RPRD1A: variants seen among roughly 807,000 people sequenced by gnomAD.
RPRD1A encodes the protein regulation of nuclear pre-mRNA domain containing 1A.
RPRD1A carries 9 observed loss-of-function variants against 37.8 expected under a neutral mutation model. That is an observed-to-expected ratio of 0.24 (90% CI 0.14 to 0.42). The LOEUF (loss-of-function observed/expected upper bound fraction) is 0.42. RPRD1A is among the 10% of genes least tolerant of loss of function. RPRD1A has a pLI of 1.00. For missense variants in RPRD1A, 255 were observed against 371.0 expected, an observed-to-expected ratio of 0.69 and a Z score of 2.57; for synonymous variants, 138 against 139.7, an observed-to-expected ratio of 0.99 and a Z score of 0.08.
At chr18:36,065,827 T>C (rs1350027470) in intron 1 of RPRD1A, among the ~76,000 whole-genome samples, 2 of 152,240 alleles carry the variant, frequency 1.3e-5, no homozygotes, top group African/African-American at 2.4e-5. Context: ...GTATCATTTA[T>C]TGACCTTTCA....
chr18:36,008,304 G>T (rs1909889747), intron 6 of RPRD1A, among the ~76,000 whole-genome samples: 1 of 151,698 alleles, frequency 6.6e-6, no homozygotes, highest in African/African-American at 2.4e-5. Flanking sequence ...TAGACTGTGT[G>T]CAGTAGCTTA....
chr18:36,032,606 T>C (rs1046631521), intron 2 of RPRD1A, among the ~76,000 whole-genome samples: 1 of 152,138 alleles, frequency 6.6e-6, no homozygotes, highest in Non-Finnish European at 1.5e-5. Context: ...CTAAAGGGCA[T>C]TAAAATTATA....
intron 6 of RPRD1A, among the ~76,000 whole-genome samples, chr18:36,000,491 AAG>A (rs1487248112): frequency 6.6e-6 from 1 of 152,224 alleles, no homozygotes; most frequent in East Asian, 1.9e-4. Context: ...CATGTGGAAA[AAG>A]ATATTTTATC....
intron 6 of RPRD1A, among the ~76,000 whole-genome samples, chr18:36,024,542 C>T (rs1179419695): frequency 6.6e-6 from 1 of 152,108 alleles, no homozygotes; most frequent in Non-Finnish European, 1.5e-5. Flanking sequence ...TTTTAAACCA[C>T]TTCATGTTTT....
intron 4 of RPRD1A, among the ~76,000 whole-genome samples, chr18:36,029,409 T>C (rs962959824): frequency 6.6e-6 from 1 of 152,190 alleles, no homozygotes; most frequent in African/African-American, 2.4e-5. Flanking sequence ...GATACTAATT[T>C]CTGGCAACCC....
At chr18:36,015,263 A>T (rs1910469760) in intron 6 of RPRD1A, among the ~76,000 whole-genome samples, 1 of 149,218 alleles carries the variant, frequency 6.7e-6, no homozygotes, top group African/African-American at 2.5e-5. Context: ...CCCAGGCTAG[A>T]GTGCAGTGGC....
intron 2 of RPRD1A, among the ~76,000 whole-genome samples, chr18:36,032,587 TA>T (rs1327306794): frequency 6.6e-6 from 1 of 152,150 alleles, no homozygotes; most frequent in African/African-American, 2.4e-5. Flanking sequence ...CTAAAGAAAT[TA>T]AACAATACTA....
rs543527216 is a variant in RPRD1A at position 35,996,040 on chromosome 18, G to A, written c.790-2740C>T. ...ACAACCAAATCTAATGTGATATTCT[G>A]GATGGGATCCTGGAACAGAAAAAAG... is the stretch of plus-strand genomic sequence containing the variant. On this transcript the variant is annotated intron_variant, in intron 6 of 6. Coordinates refer to ENST00000399022, the MANE Select transcript of RPRD1A (RefSeq NM_018170.5). 3.3e-5 allele frequency among the ~76,000 whole-genome samples: 5 copies of A among 152,302 alleles called. No individual in the cohort carries two copies. In the East Asian group the frequency reaches 9.6e-4, roughly 29 times the overall value.
chr18:35,994,930 C>T (rs1426603751), intron 6 of RPRD1A, among the ~76,000 whole-genome samples: 2 of 152,150 alleles, frequency 1.3e-5, no homozygotes, highest in East Asian at 3.8e-4. Context: ...CATCATACCA[C>T]ACTACCCCCC....
chr18:36,017,208 G>T (rs1910648878), intron 6 of RPRD1A, among the ~76,000 whole-genome samples: 1 of 152,078 alleles, frequency 6.6e-6, no homozygotes, highest in Non-Finnish European at 1.5e-5. Flanking sequence ...TACTCGGGAG[G>T]CTGATCACCT....
intron 6 of RPRD1A, among the ~76,000 whole-genome samples, chr18:35,996,977 C>CA (rs200694089): frequency 0.11 from 6,165 of 55,276 alleles, 1,007 homozygotes; most frequent in Non-Finnish European, 0.15. Flanking sequence ...GACCCTGTCT[C>CA]AAAAAAAAAA....
intron 1 of RPRD1A, among the ~76,000 whole-genome samples, chr18:36,038,562 C>A (rs907487595): frequency 6.6e-6 from 1 of 152,176 alleles, no homozygotes; most frequent in Non-Finnish European, 1.5e-5. Context: ...TGGGGCAGTG[C>A]GTAGGGGAAA....
intron 1 of RPRD1A, among the ~76,000 whole-genome samples, chr18:36,057,005 A>ATC (rs1913817368): frequency 7.1e-6 from 1 of 140,578 alleles, no homozygotes; most frequent in Non-Finnish European, 1.5e-5. Context: ...ATCTGAGCCC[A>ATC]GGAGTTCGAG....
intron 1 of RPRD1A, among the ~76,000 whole-genome samples, chr18:36,043,616 G>T (rs572916050): frequency 1.3e-5 from 2 of 152,108 alleles, no homozygotes; most frequent in Non-Finnish European, 2.9e-5. Flanking sequence ...AACAGTTATG[G>T]AAGAATATAC....
At chr18:36,038,184 G>C (rs1393596000) in intron 1 of RPRD1A, among the ~76,000 whole-genome samples, 1 of 152,212 alleles carries the variant, frequency 6.6e-6, no homozygotes, top group Non-Finnish European at 1.5e-5. Flanking sequence ...CGTCTCCAGG[G>C]CATGTCAGAG....
At chr18:36,031,705 A>G (rs1280936031) in intron 2 of RPRD1A, among the ~76,000 whole-genome samples, 1 of 152,188 alleles carries the variant, frequency 6.6e-6, no homozygotes, top group Non-Finnish European at 1.5e-5. Context: ...AAACACTACT[A>G]TCTCTTGCTT....
At chr18:36,000,101 TTC>T (rs996182168) in intron 6 of RPRD1A, among the ~76,000 whole-genome samples, 4 of 152,188 alleles carry the variant, frequency 2.6e-5, no homozygotes, top group African/African-American at 9.7e-5. Context: ...GTCAGGGCGT[TTC>T]TGAGACTGCA....
chr18:36,045,964 C>T (rs771763516), intron 1 of RPRD1A, among the ~76,000 whole-genome samples: 17 of 152,180 alleles, frequency 1.1e-4, no homozygotes, highest in Non-Finnish European at 2.2e-4. Flanking sequence ...ACTAACTATA[C>T]AGACATTTTT....
Position 36,026,968 on chromosome 18 carries a change from T to C in RPRD1A, c.721A>G (p.Thr241Ala). The change falls in exon 6 of 7, where the codon ACT becomes GCT. Residue 241 changes from threonine (T) to alanine (A), a missense_variant. By Grantham distance (58) the Thr-to-Ala change is moderately conservative (BLOSUM62 0). Around this residue, in one of 2 missense-constraint regions of RPRD1A, gnomAD observed 211 missense variants for 268.9 expected, o/e 0.78. Coordinates refer to ENST00000399022, the MANE Select transcript of RPRD1A (RefSeq NM_018170.5). ...CGAAGAAAATCTGCTAACATTCGAG[T>C]GAGTTGCTTTCTATCATCTATTTCT... ...AAEIDDRKQL[T>A]RMLADFLRCQ... 6.2e-7 allele frequency: 1 copy of C among 1,614,040 alleles called. No homozygotes were observed. Among genetic ancestry groups the C allele is most frequent in the Non-Finnish European group, 8.5e-7 (1 of 1,179,908 alleles).
Sources: gnomAD v4.1 joint callset for allele counts (sites outside exome capture counted in the v4.1 genomes callset) on GRCh38, gnomAD v4.1.1 for gene constraint, gnomAD v4.1.1 regional missense constraint, MANE v1.5 for transcripts, NCBI Gene and HGNC (gene_info 2026-07-23, HGNC 2026-07-21) for gene names.